The following B3GALT1 variants were observed in gnomAD, a reference collection of about 807,000 sequenced individuals.
The protein encoded by B3GALT1 is UDP-Gal:betaGlcNAc beta 1,3-galactosyltransferase, polypeptide 1.
In B3GALT1, 10 loss-of-function variants were observed where a neutral mutation model predicts 23.2. That is an observed-to-expected ratio of 0.43 (90% CI 0.27 to 0.73). B3GALT1 has a LOEUF of 0.73. Ranked by LOEUF, B3GALT1 falls within the 30% of genes least tolerant of loss-of-function variation. The pLI, the probability that B3GALT1 is intolerant of heterozygous loss-of-function variation, is 0.21. For synonymous variants in B3GALT1, 156 were observed against 141.5 expected (o/e 1.10, Z -0.73); for missense variants, 299 against 405.4 (o/e 0.74, Z 2.25).
At chr2:167,499,676 T>C (rs906181101) in intron 2 of B3GALT1, among the ~76,000 whole-genome samples, 8 of 152,066 alleles carry the variant, frequency 5.3e-5, no homozygotes, top group Non-Finnish European at 7.4e-5. Flanking sequence ...CATGGATTTT[T>C]CCCCCTTCCA....
intron 3 of B3GALT1, among the ~76,000 whole-genome samples, chr2:167,784,719 TAGAA>T (rs1196150551): frequency 1.3e-5 from 2 of 152,152 alleles, no homozygotes; most frequent in Admixed American, 6.5e-5. Context: ...CGTAAATACT[TAGAA>T]AGCCTATGTA....
At chr2:167,320,274 G>C (rs10189334) in intron 1 of B3GALT1, among the ~76,000 whole-genome samples, 128,552 of 150,966 alleles carry the variant, frequency 0.85, 55,148 homozygotes, top group Middle Eastern at 0.92. Flanking sequence ...ACTGCAACCT[G>C]TGCCTACTGG....
At chr2:167,565,483 C>G (rs983582671) in intron 2 of B3GALT1, among the ~76,000 whole-genome samples, 1 of 152,102 alleles carries the variant, frequency 6.6e-6, no homozygotes, top group Non-Finnish European at 1.5e-5. Context: ...AAAGCAGTGG[C>G]AACAAAAGCC....
chr2:167,592,024 AAG>A (rs1156557513), intron 2 of B3GALT1, among the ~76,000 whole-genome samples: 2 of 152,150 alleles, frequency 1.3e-5, no homozygotes, highest in African/African-American at 2.4e-5. Context: ...GTTTGAGAGA[AAG>A]AGAAGTACTG....
chr2:167,373,980 A>G (rs1036421641), intron 1 of B3GALT1, among the ~76,000 whole-genome samples: 1 of 152,182 alleles, frequency 6.6e-6, no homozygotes. Flanking sequence ...ATAGTACCCA[A>G]CACTTAGGTT....
chr2:167,814,940 T>C (rs910995640), intron 3 of B3GALT1: 3 of 152,228 alleles, frequency 2.0e-5, no homozygotes, highest in African/African-American at 7.2e-5. Context: ...GTGCCACCAG[T>C]TTCAAGATAT....
chr2:167,563,957 C>G (rs1207975142), intron 2 of B3GALT1, among the ~76,000 whole-genome samples: 12 of 133,718 alleles, frequency 9.0e-5, no homozygotes, highest in East Asian at 7.7e-4. Context: ...CGGGGCCGAC[C>G]CCCCCACCTC....
chr2:167,871,187 A>G lies in B3GALT1; in HGVS notation c.*1167A>G, dbSNP rs1165246847. ...GATGCCACCATACTTATTGGGCCAT[A>G]TGAGTAGGCATCGTAATCTTGTGCT... On this transcript the variant is annotated 3_prime_UTR_variant, in exon 5 of 5. Coordinates refer to ENST00000392690, the MANE Select transcript of B3GALT1 (RefSeq NM_020981.4). 1 of 152,192 alleles carries G rather than the reference A, an allele frequency of 6.6e-6. No individual in the cohort carries two copies. The highest frequency in any genetic ancestry group is 1.5e-5 in the Non-Finnish European group (1 of 68,048). 9.4% of individuals were successfully genotyped at this position (152,192 alleles called of 1,614,324 possible).
Position 167,491,333 on chromosome 2 carries a change from G to A in B3GALT1, c.-410+1056G>A, listed in dbSNP as rs563348174. Among the ~76,000 whole-genome samples, 374 of 152,190 alleles carry A rather than the reference G, an allele frequency of 2.5e-3. 2 individuals carry two copies. Among genetic ancestry groups the A allele is most frequent in the Admixed American group, 5.7e-3 (87 of 15,278 alleles). On this transcript the variant is annotated intron_variant, in intron 2 of 4. Coordinates refer to ENST00000392690, the MANE Select transcript of B3GALT1 (RefSeq NM_020981.4). ...CCAATATCATCACAGGTACCACCTC[G>A]GGAATAAGAAGTAACAACTGCGAAA...
intron 2 of B3GALT1, among the ~76,000 whole-genome samples, chr2:167,532,520 C>G (rs986039485): frequency 2.6e-5 from 4 of 151,922 alleles, no homozygotes; most frequent in Non-Finnish European, 4.4e-5. Context: ...TCATATATTT[C>G]TTTACTTCAC....
At chr2:167,732,734 C>T (rs1038508254) in intron 3 of B3GALT1, among the ~76,000 whole-genome samples, 1 of 152,156 alleles carries the variant, frequency 6.6e-6, no homozygotes, top group Admixed American at 6.6e-5. Context: ...AAAGGTATTT[C>T]TCTTATACAT....
At chr2:167,827,193 C>T (rs1276408718) in intron 4 of B3GALT1, among the ~76,000 whole-genome samples, 1 of 152,140 alleles carries the variant, frequency 6.6e-6, no homozygotes, top group Non-Finnish European at 1.5e-5. Context: ...TCATCTACTG[C>T]CCAAAACAGC....
intron 4 of B3GALT1, among the ~76,000 whole-genome samples, chr2:167,853,992 T>C (rs947638481): frequency 1.3e-5 from 2 of 152,126 alleles, no homozygotes; most frequent in African/African-American, 4.8e-5. Context: ...TTTTCAGATA[T>C]CATCTTCAAT....
At chr2:167,816,959 T>G (rs1359222885) in intron 3 of B3GALT1, among the ~76,000 whole-genome samples, 4 of 152,220 alleles carry the variant, frequency 2.6e-5, no homozygotes, top group African/African-American at 9.6e-5. Flanking sequence ...GGCAAAGGAT[T>G]CCCAAGTGTT....
At chr2:167,466,658 C>T (rs1699349104) in intron 1 of B3GALT1, among the ~76,000 whole-genome samples, 1 of 147,896 alleles carries the variant, frequency 6.8e-6, no homozygotes, top group Admixed American at 6.8e-5. Context: ...AAAATAAAAG[C>T]TGTTAACTTG....
At chr2:167,721,597 A>G (rs184911615) in intron 3 of B3GALT1, among the ~76,000 whole-genome samples, 6 of 152,332 alleles carry the variant, frequency 3.9e-5, no homozygotes, top group African/African-American at 1.4e-4. Context: ...TCAGACCTCA[A>G]AATAGAGAAA....
At chr2:167,371,622 A>G (rs1697688412) in intron 1 of B3GALT1, among the ~76,000 whole-genome samples, 1 of 152,136 alleles carries the variant, frequency 6.6e-6, no homozygotes, top group Non-Finnish European at 1.5e-5. Flanking sequence ...TGAATAAGCT[A>G]TGGAGCTGGA....
intron 2 of B3GALT1, among the ~76,000 whole-genome samples, chr2:167,593,299 T>C (rs1684716680): frequency 6.6e-6 from 1 of 152,238 alleles, no homozygotes; most frequent in Non-Finnish European, 1.5e-5. Context: ...TTTCCATATA[T>C]ATCAATATAG....
intron 3 of B3GALT1, among the ~76,000 whole-genome samples, chr2:167,719,434 G>T (rs1458941154): frequency 6.6e-6 from 1 of 152,174 alleles, no homozygotes; most frequent in Non-Finnish European, 1.5e-5. Flanking sequence ...TTGCACTAAA[G>T]TTTACCTAAT....
Sources: allele counts gnomAD v4.1 joint callset (sites outside exome capture counted in the v4.1 genomes callset), GRCh38; gene constraint gnomAD v4.1.1; transcripts MANE v1.5; gene names NCBI Gene and HGNC (gene_info 2026-07-23, HGNC 2026-07-21).